Variants in IGF2BP3 observed in about 807,000 individuals in gnomAD.
The protein encoded by IGF2BP3 is insulin-like growth factor 2 mRNA-binding protein 3.
Under a neutral mutation model 73.8 loss-of-function variants are expected in IGF2BP3, and 9 were observed. That is an observed-to-expected ratio of 0.12 (90% CI 0.07 to 0.21). The LOEUF is 0.21. IGF2BP3 is among the 10% of genes least tolerant of loss of function. The pLI, the probability that IGF2BP3 is intolerant of heterozygous loss-of-function variation, is 1.00. For synonymous variants in IGF2BP3, 258 were observed against 256.7 expected (o/e 1.01, Z -0.05); for missense variants, 542 against 714.0 (o/e 0.76, Z 2.75).
chr7:23,407,173 G>A (rs1266121276), intron 3 of IGF2BP3, among the ~76,000 whole-genome samples: 1 of 143,730 alleles, frequency 7.0e-6, no homozygotes, highest in Non-Finnish European at 1.5e-5. Flanking sequence ...CCATGATGAT[G>A]TAGTTATTAA....
intron 3 of IGF2BP3, among the ~76,000 whole-genome samples, chr7:23,401,997 G>C (rs1348584402): frequency 2.7e-5 from 4 of 150,306 alleles, no homozygotes; most frequent in African/African-American, 9.8e-5. Flanking sequence ...TGTCCCTGAA[G>C]TCCCAGCTAC....
At chr7:23,413,917 C>G (rs1319991144) in intron 3 of IGF2BP3, 2 of 152,190 alleles carry the variant, frequency 1.3e-5, no homozygotes, top group Non-Finnish European at 2.9e-5. Context: ...CTGTGGGAGG[C>G]CAAGGCGGGC....
chr7:23,346,685 C>T (rs1206998606), intron 7 of IGF2BP3, among the ~76,000 whole-genome samples: 1 of 151,832 alleles, frequency 6.6e-6, no homozygotes, highest in Admixed American at 6.6e-5. Context: ...CTCCGCCTCC[C>T]GGGTTCAAGC....
intron 2 of IGF2BP3, among the ~76,000 whole-genome samples, chr7:23,438,423 A>G (rs1021319371): frequency 1.1e-4 from 17 of 152,312 alleles, no homozygotes; most frequent in African/African-American, 4.1e-4. Context: ...ACACTGGGCC[A>G]CATACAAATT....
At chr7:23,467,694 G>A (rs1273753821) in intron 2 of IGF2BP3, 2 of 152,276 alleles carry the variant, frequency 1.3e-5, no homozygotes, top group Non-Finnish European at 2.9e-5. Flanking sequence ...AAAAGAAAAA[G>A]GGAAAGAGCC....
rs770210306 is a variant in IGF2BP3, at chr7:23,470,117, G to C, written c.-7C>G. The C allele has an allele frequency of 5.0e-6, 8 of 1,587,570 alleles. No individual in the cohort carries two copies. Among genetic ancestry groups the C allele is most frequent in the Non-Finnish European group, 6.8e-6 (8 of 1,169,134 alleles). On this transcript the variant is annotated 5_prime_UTR_variant, in exon 1 of 15. Coordinates refer to ENST00000258729, the MANE Select transcript of IGF2BP3 (RefSeq NM_006547.3). ...CGATATACAGTTTGTTCATTGTGAA[G>C]AGTGGTTGTTTAAAAAAAAATAACG...
intron 3 of IGF2BP3, among the ~76,000 whole-genome samples, chr7:23,382,894 CAAAAA>C (rs57466793): frequency 2.2e-4 from 11 of 49,116 alleles, no homozygotes; most frequent in South Asian, 1.4e-3. Context: ...CTAGCTCTAC[CAAAAA>C]AAAAAAAAAA....
chr7:23,371,142 A>C (rs1168758234), intron 3 of IGF2BP3, among the ~76,000 whole-genome samples: 1 of 149,612 alleles, frequency 6.7e-6, no homozygotes, highest in Non-Finnish European at 1.5e-5. Context: ...TTGCCCCAAC[A>C]AACACCTTGC....
intron 5 of IGF2BP3, among the ~76,000 whole-genome samples, chr7:23,357,266 T>C (rs1478867230): frequency 6.6e-6 from 1 of 151,602 alleles, no homozygotes; most frequent in Non-Finnish European, 1.5e-5. Flanking sequence ...ACTGCAATGA[T>C]AGTTTCTTTC....
chr7:23,389,513 C>T, intron 3 of IGF2BP3, among the ~76,000 whole-genome samples: 1 of 151,326 alleles, frequency 6.6e-6, no homozygotes. Context: ...GAGAAAAAAG[C>T]AGGAAATTAC....
At chr7:23,314,671 A>G (rs986376720) in intron 12 of IGF2BP3, among the ~76,000 whole-genome samples, 3 of 152,176 alleles carry the variant, frequency 2.0e-5, no homozygotes, top group African/African-American at 7.2e-5. Flanking sequence ...CTAAAAGTCA[A>G]GCTCACATCT....
intron 2 of IGF2BP3, among the ~76,000 whole-genome samples, chr7:23,434,426 T>C (rs1787760376): frequency 6.6e-6 from 1 of 152,136 alleles, no homozygotes; most frequent in Non-Finnish European, 1.5e-5. Flanking sequence ...TTCCCAGAGG[T>C]AGACTTACAC....
intron 2 of IGF2BP3, among the ~76,000 whole-genome samples, chr7:23,448,394 T>C (rs1263932342): frequency 6.6e-6 from 1 of 152,160 alleles, no homozygotes; most frequent in African/African-American, 2.4e-5. Flanking sequence ...TAACTGTTTA[T>C]TCTAAACACT....
In IGF2BP3 at chr7:23,345,997, T is replaced by C; in HGVS notation, c.884A>G (p.Glu295Gly). The C allele has an allele frequency of 6.2e-7, 1 of 1,613,808 alleles. No individual in the cohort carries two copies. The highest frequency in any genetic ancestry group is 8.5e-7 in the Non-Finnish European group (1 of 1,179,958). The change falls in exon 8 of 15, where the codon GAA becomes GGA. Residue 295 changes from glutamate (E) to glycine (G), a missense_variant. Around this residue, in one of 2 missense-constraint regions of IGF2BP3, gnomAD observed 303 missense variants for 472.1 expected, o/e 0.64. Coordinates refer to ENST00000258729, the MANE Select transcript of IGF2BP3 (RefSeq NM_006547.3). The stretch of plus-strand genomic sequence containing the variant: ...CTCAATTTTTTTAAGATTTCTTCCT[T>C]CTTTACCAATAAGACGTCCAACAAA... ...NNFVGRLIGK[E>G]GRNLKKIEQD... is the part of the protein sequence containing the mutation.
chr7:23,373,291 G>T (rs950660424), intron 3 of IGF2BP3, among the ~76,000 whole-genome samples: 4 of 152,294 alleles, frequency 2.6e-5, no homozygotes, highest in Admixed American at 1.3e-4. Context: ...ATGTTAGGTG[G>T]TTTTTGAACC....
chr7:23,430,226 G>GGC (rs1388375605), intron 2 of IGF2BP3, among the ~76,000 whole-genome samples: 1 of 152,030 alleles, frequency 6.6e-6, no homozygotes, highest in Non-Finnish European at 1.5e-5. Context: ...TGGGATTACA[G>GGC]GCGCGCGCCA....
intron 3 of IGF2BP3, among the ~76,000 whole-genome samples, chr7:23,405,970 T>C (rs1786815954): frequency 6.6e-6 from 1 of 151,874 alleles, no homozygotes; most frequent in African/African-American, 2.4e-5. Flanking sequence ...ATATTAATGC[T>C]GGGTGATTAA....
At chr7:23,437,063 G>A (rs1249976468) in intron 2 of IGF2BP3, among the ~76,000 whole-genome samples, 2 of 152,112 alleles carry the variant, frequency 1.3e-5, no homozygotes, top group Non-Finnish European at 2.9e-5. Flanking sequence ...ATGCTGCAGT[G>A]AGCTGAGATC....
chr7:23,325,871 C>T lies in IGF2BP3; in HGVS notation c.1204-6617G>A, dbSNP rs1254045795. 4.6e-5 allele frequency among the ~76,000 whole-genome samples: 7 copies of T among 152,266 alleles called. No individual in the cohort carries two copies. In the East Asian group the frequency reaches 1.3e-3, roughly 29 times the overall value. On this transcript the variant is annotated intron_variant, in intron 10 of 14. Coordinates refer to ENST00000258729, the MANE Select transcript of IGF2BP3 (RefSeq NM_006547.3). ...AAATGGTGCTGGGAAAACTGGCTAGCCATATGTAGAAAGCTGAAACTGGAT... is the reference window on the plus strand; with the variant it reads ...AAATGGTGCTGGGAAAACTGGCTAGTCATATGTAGAAAGCTGAAACTGGAT...
Sources: gnomAD v4.1 joint callset for allele counts (sites outside exome capture counted in the v4.1 genomes callset) on GRCh38, gnomAD v4.1.1 for gene constraint, gnomAD v4.1.1 regional missense constraint, MANE v1.5 for transcripts, NCBI Gene and HGNC (gene_info 2026-07-23, HGNC 2026-07-21) for gene names.